Variants in MLANA observed in about 807,000 individuals in gnomAD.
The protein encoded by MLANA is melan-A, also known as melanoma antigen recognized by T-cells 1.
A neutral mutation model predicts 15.7 loss-of-function variants in MLANA; 21 were observed. The observed-to-expected ratio is 1.33, with a 90% CI of 0.95 to 1.92. The LOEUF (loss-of-function observed/expected upper bound fraction) is 1.92, where lower values mean the gene tolerates loss of function less well. MLANA is among the 40% of genes most tolerant of loss of function. MLANA has a pLI of 0.00. For missense variants in MLANA, 164 were observed against 143.8 expected (o/e 1.14, Z -0.72); for synonymous variants, 56 against 51.5 (o/e 1.09, Z -0.37).
chr9:5,909,681 T>G lies in MLANA; in HGVS notation c.*973T>G, dbSNP rs1000422927. On this transcript the variant is annotated 3_prime_UTR_variant, in exon 5 of 5. Transcript: ENST00000381477. ...CCAGAAATTGGTAGAAGGATTTAAA[T>G]AAGTAAAAGCTACTATGTACTGCCT... The G allele has an allele frequency of 2.0e-5, 3 of 152,258 alleles. No homozygotes were observed. Among genetic ancestry groups the G allele is most frequent in the African/African-American group, 7.2e-5 (3 of 41,474 alleles). The allele number at this position is 152,258 out of a possible 1,614,324, so 9.4% of individuals were successfully genotyped here. A position where few individuals can be genotyped will look rare whatever the true frequency, so the allele number is the denominator to read the frequency against.
chr9:5,897,457 G>A, intron 2 of MLANA, 100 bp from the exon 3 acceptor site: 1 of 1,072,034 alleles, frequency 9.3e-7, no homozygotes, highest in East Asian at 2.4e-5. Flanking sequence ...GCTGCTCTGG[G>A]TCGTCAAAGT....
chr9:5,906,589 C>T (rs1832831178), intron 3 of MLANA, among the ~76,000 whole-genome samples: 1 of 152,204 alleles, frequency 6.6e-6, no homozygotes, highest in Admixed American at 6.5e-5. Context: ...TGTAGATTCA[C>T]TCTTCTTATC....
intron 1 of MLANA, chr9:5,891,229 C>T (rs1417722890): frequency 6.6e-6 from 1 of 152,208 alleles, no homozygotes; most frequent in Non-Finnish European, 1.5e-5. Context: ...ACTTAAAGAA[C>T]CACTTCTCCT....
Position 5,906,944 on chromosome 9 carries a change from G to A in MLANA, c.234G>A (p.Gly78=). The A allele has an allele frequency of 2.5e-6, 4 of 1,598,528 alleles. No individual in the cohort carries two copies. Among genetic ancestry groups the A allele is most frequent in the Non-Finnish European group, 3.4e-6 (4 of 1,173,910 alleles). The change falls in exon 4 of 5, where the codon GGG becomes GGA. Residue 78 remains glycine, a synonymous_variant. Transcript: ENST00000381477. ...CALTRRCPQE[G]FDHRDSKVSL... ...TAACAAGAAGATGCCCACAAGAAGG[G>A]TTTGATCATCGGGACAGCAAAGTGT...
chr9:5,896,302 A>G (rs149429208), intron 2 of MLANA, among the ~76,000 whole-genome samples: 1 of 152,218 alleles, frequency 6.6e-6, no homozygotes, highest in South Asian at 2.1e-4. Flanking sequence ...TTGGTGCTCA[A>G]TGAATGGTAG....
chr9:5,908,907 G>T lies in MLANA; in HGVS notation c.*199G>T, dbSNP rs1668204708. 1.8e-6 allele frequency: 1 copy of T among 553,646 alleles called. No homozygotes were observed. 34.3% of individuals were successfully genotyped at this position (553,646 alleles called of 1,614,324 possible). ...AGGAAATGATGAGAAATATTAAATT[G>T]GGAAAACTCCATCAATAAATGTTGC... On this transcript the variant is annotated 3_prime_UTR_variant, in exon 5 of 5. Coordinates refer to ENST00000381477, the MANE Select transcript of MLANA (RefSeq NM_005511.2).
At chr9:5,897,157 C>G (rs914636225) in intron 2 of MLANA, among the ~76,000 whole-genome samples, 1 of 152,194 alleles carries the variant, frequency 6.6e-6, no homozygotes, top group African/African-American at 2.4e-5. Context: ...GTAGATGAGT[C>G]AGTGTTAATT....
intron 3 of MLANA, 67 bp downstream of exon 3, chr9:5,897,720 A>C: frequency 1.5e-6 from 2 of 1,343,052 alleles, no homozygotes; most frequent in Admixed American, 3.4e-5. Flanking sequence ...CTTTCCTCTG[A>C]ATCTCTGGAG....
At chr9:5,899,016 T>C (rs182716475) in intron 3 of MLANA, 1 of 152,318 alleles carries the variant, frequency 6.6e-6, no homozygotes, top group Admixed American at 6.5e-5. Flanking sequence ...ATGGGAAACA[T>C]CAACTGAGTT....
At chr9:5,901,131 TA>T (rs956850479) in intron 3 of MLANA, among the ~76,000 whole-genome samples, 10 of 148,130 alleles carry the variant, frequency 6.8e-5, no homozygotes, top group Non-Finnish European at 7.5e-5. Context: ...GTGAGAGGCT[TA>T]AAAAAAAAAG....
At chr9:5,900,471 A>G (rs1167264693) in intron 3 of MLANA, among the ~76,000 whole-genome samples, 1 of 152,238 alleles carries the variant, frequency 6.6e-6, no homozygotes, top group Non-Finnish European at 1.5e-5. Flanking sequence ...AAAATTATGT[A>G]AAATAGTGCA....
At chr9:5,899,219 C>A (rs553194230) in intron 3 of MLANA, 1 of 152,278 alleles carries the variant, frequency 6.6e-6, no homozygotes, top group East Asian at 1.9e-4. Flanking sequence ...AAGTCCCATT[C>A]CTCATTCAGC....
intron 3 of MLANA, among the ~76,000 whole-genome samples, chr9:5,901,947 A>G (rs1293244717): frequency 6.6e-6 from 1 of 152,184 alleles, no homozygotes; most frequent in Non-Finnish European, 1.5e-5. Flanking sequence ...TTGCATCTGT[A>G]TTCATGAGTG....
At position 5,908,860 on chromosome 9, in the gene MLANA, C is replaced by T. The variant is rs1341777628; in HGVS notation, c.*152C>T. ...GTCAGTGTTAAAATTTTAGTAGGTC[C>T]GCTAGCAGTACTAATCATGTGAGGA... On this transcript the variant is annotated 3_prime_UTR_variant, in exon 5 of 5. Transcript: ENST00000381477. 2.3e-5 allele frequency: 15 copies of T among 647,216 alleles called. No homozygotes were observed. The highest frequency in any genetic ancestry group is 3.7e-5 in the African/African-American group (2 of 54,648). The allele number at this position is 647,216 out of a possible 1,614,324, so 40.1% of individuals were successfully genotyped here.
intron 3 of MLANA, among the ~76,000 whole-genome samples, chr9:5,900,806 G>C (rs965877782): frequency 6.6e-6 from 1 of 152,210 alleles, no homozygotes; most frequent in African/African-American, 2.4e-5. Context: ...CTGAACAGTG[G>C]TTTTTATATT....
chr9:5,896,423 C>T (rs1563811603), intron 2 of MLANA, among the ~76,000 whole-genome samples: 1 of 152,120 alleles, frequency 6.6e-6, no homozygotes, highest in Non-Finnish European at 1.5e-5. Context: ...CACTGTCATC[C>T]CATGGTTCGC....
rs754415704 is a variant in MLANA, at chr9:5,907,035, T to C, written c.288+37T>C. The C allele has an allele frequency of 9.6e-6, 13 of 1,347,278 alleles. No homozygotes were observed. In the Admixed American group the frequency reaches 2.9e-4, roughly 30 times the overall value. 83.5% of individuals were successfully genotyped at this position (1,347,278 alleles called of 1,614,324 possible). A position where few individuals can be genotyped will look rare whatever the true frequency, so the allele number is the denominator to read the frequency against. On this transcript the variant is annotated intron_variant, in intron 4 of 4. Coordinates refer to ENST00000381477, the MANE Select transcript of MLANA (RefSeq NM_005511.2). ...TCCTTCATAAGGGTATTTTCATGAA[T>C]GGCTGTTTTTAACTCAAGTGAATAC...
At chr9:5,897,139 G>A (rs73395374) in intron 2 of MLANA, among the ~76,000 whole-genome samples, 1,744 of 152,330 alleles carry the variant, frequency 0.011, 27 homozygotes, top group African/African-American at 0.04. Flanking sequence ...CACAGCACCT[G>A]GCTTTTAGTA....
Position 5,897,564 on chromosome 9 carries a change from G to A in MLANA, c.85G>A (p.Gly29Arg). ...HSYTTAEEAA[G>R]IGILTVILGV... ...GTCTATCTCTTGGGCCAGGGCCGCT[G>A]GGATCGGCATCCTGACAGTGATCCT... The change falls in exon 3 of 5, where the codon GGG (glycine) becomes AGG (arginine). Residue 29 changes from glycine to arginine, a missense_variant. Coordinates refer to ENST00000381477, the MANE Select transcript of MLANA (RefSeq NM_005511.2). 6.2e-7 allele frequency: 1 copy of A among 1,614,034 alleles called. No homozygotes were observed. Among genetic ancestry groups the A allele is most frequent in the Non-Finnish European group, 8.5e-7 (1 of 1,179,868 alleles).
Sources: gnomAD v4.1 joint callset for allele counts (sites outside exome capture counted in the v4.1 genomes callset) on GRCh38, gnomAD v4.1.1 for gene constraint, MANE v1.5 for transcripts, NCBI Gene and HGNC (gene_info 2026-07-23, HGNC 2026-07-21) for gene names.